Variants in CENPQ observed in about 807,000 individuals in gnomAD.
CENPQ encodes chromosome 6 open reading frame 139.
In CENPQ, 27 loss-of-function variants were observed where a neutral mutation model predicts 36.6. The ratio of observed to expected loss-of-function variants is 0.74; its 90% confidence interval spans 0.54 to 1.02. CENPQ has a LOEUF of 1.02. Ranked by LOEUF, CENPQ falls within the 50% of genes least tolerant of loss-of-function variation. CENPQ has a pLI of 0.00. For synonymous variants in CENPQ, 101 were observed against 101.7 expected (o/e 0.99, Z 0.04); for missense variants, 306 against 301.8 (o/e 1.01, Z -0.10).
intron 5 of CENPQ, among the ~76,000 whole-genome samples, chr6:49,477,606 A>T (rs1051612794): frequency 2.0e-5 from 3 of 152,032 alleles, no homozygotes; most frequent in Non-Finnish European, 2.9e-5. Flanking sequence ...CTCAGTTTCA[A>T]GTTTGCCTAG....
intron 8 of CENPQ, among the ~76,000 whole-genome samples, chr6:49,491,649 C>G (rs970276437): frequency 1.3e-5 from 2 of 152,172 alleles, no homozygotes; most frequent in African/African-American, 4.8e-5. Flanking sequence ...GGCACAGTGG[C>G]TCACACCTGT....
intron 6 of CENPQ, among the ~76,000 whole-genome samples, chr6:49,483,512 C>G (rs1768502760): frequency 6.6e-6 from 1 of 152,234 alleles, no homozygotes; most frequent in South Asian, 2.1e-4. Context: ...CAGGAACCCT[C>G]TGAGGGGGGA....
intron 6 of CENPQ, among the ~76,000 whole-genome samples, chr6:49,484,540 A>T (rs908133538): frequency 3.5e-4 from 53 of 152,234 alleles, no homozygotes; most frequent in African/African-American, 1.2e-3. Context: ...AGTAGTTTGT[A>T]GATGTGGTGC....
chr6:49,472,366 C>A (rs1768162403), intron 4 of CENPQ, among the ~76,000 whole-genome samples, 183 bp downstream of exon 4: 1 of 152,018 alleles, frequency 6.6e-6, no homozygotes, highest in Non-Finnish European at 1.5e-5. Flanking sequence ...ATTTTAGAAA[C>A]CTGAAATTCC....
chr6:49,463,810 C>A (rs1767927526), intron 1 of CENPQ, among the ~76,000 whole-genome samples: 1 of 152,068 alleles, frequency 6.6e-6, no homozygotes, highest in African/African-American at 2.4e-5. Context: ...ACATAGAGGT[C>A]TAAATTGAGG....
At chr6:49,484,379 A>T (rs948950331) in intron 6 of CENPQ, among the ~76,000 whole-genome samples, 8 of 152,234 alleles carry the variant, frequency 5.3e-5, no homozygotes, top group African/African-American at 1.9e-4. Context: ...CATCCTGTGG[A>T]AGATAATAGG....
chr6:49,482,591 A>G (rs1768463410), intron 6 of CENPQ, among the ~76,000 whole-genome samples: 1 of 152,116 alleles, frequency 6.6e-6, no homozygotes, highest in Non-Finnish European at 1.5e-5. Context: ...TTGGGATTCT[A>G]TTTGTAAGAC....
intron 6 of CENPQ, 138 bp from the exon 7 acceptor site, chr6:49,488,210 AAAGT>A (rs934040160): frequency 6.8e-5 from 40 of 592,234 alleles, no homozygotes; most frequent in Non-Finnish European, 9.6e-5. Flanking sequence ...GAAAGAAACA[AAAGT>A]AAATTCACCA....
chr6:49,491,808 G>A (rs1163008615), intron 8 of CENPQ, among the ~76,000 whole-genome samples: 3 of 152,098 alleles, frequency 2.0e-5, no homozygotes, highest in South Asian at 2.1e-4. Context: ...CCAGCTATTC[G>A]GGAGGCTGAG....
chr6:49,472,684 TG>T, intron 4 of CENPQ, 105 bp from the exon 5 acceptor site: 2 of 832,364 alleles, frequency 2.4e-6, no homozygotes, highest in Non-Finnish European at 3.3e-6. Flanking sequence ...TGATTTTGCC[TG>T]GCTAGTGGGG....
chr6:49,472,223 A>C, intron 4 of CENPQ, 40 bp downstream of exon 4: 1 of 1,522,284 alleles, frequency 6.6e-7, no homozygotes, highest in South Asian at 1.3e-5. Context: ...TTTGGTTCCC[A>C]TTTAGGTGTT....
intron 6 of CENPQ, among the ~76,000 whole-genome samples, chr6:49,482,049 C>T (rs928118998): frequency 1.3e-5 from 2 of 152,162 alleles, no homozygotes; most frequent in African/African-American, 4.8e-5. Flanking sequence ...GTACACCCCC[C>T]GCAGCCGCTG....
At chr6:49,485,286 A>T (rs560170965) in intron 6 of CENPQ, among the ~76,000 whole-genome samples, 1 of 152,228 alleles carries the variant, frequency 6.6e-6, no homozygotes, top group Non-Finnish European at 1.5e-5. Context: ...TAACATTTTC[A>T]TCGTGCTCTC....
At chr6:49,475,444 A>G (rs2127425055) in intron 5 of CENPQ, among the ~76,000 whole-genome samples, 1 of 152,348 alleles carries the variant, frequency 6.6e-6, no homozygotes, top group South Asian at 2.1e-4. Context: ...AGAGCTTTTT[A>G]TGACAAATCC....
At chr6:49,484,408 T>C (rs1032151447) in intron 6 of CENPQ, among the ~76,000 whole-genome samples, 14 of 152,242 alleles carry the variant, frequency 9.2e-5, no homozygotes, top group African/African-American at 2.2e-4. Flanking sequence ...TTATCTATCA[T>C]GGTTAACTTC....
intron 4 of CENPQ, 107 bp from the exon 5 acceptor site, chr6:49,472,683 C>A (rs1426167045): frequency 1.2e-6 from 1 of 817,610 alleles, no homozygotes; most frequent in Non-Finnish European, 1.7e-6. Flanking sequence ...TTGATTTTGC[C>A]TGGCTAGTGG....
intron 6 of CENPQ, among the ~76,000 whole-genome samples, chr6:49,484,227 C>A (rs889490804): frequency 6.6e-6 from 1 of 152,128 alleles, no homozygotes; most frequent in Non-Finnish European, 1.5e-5. Flanking sequence ...TAGAGTATGA[C>A]CTAAATTATT....
chr6:49,474,740 T>C (rs1448389633), intron 5 of CENPQ, among the ~76,000 whole-genome samples: 1 of 151,818 alleles, frequency 6.6e-6, no homozygotes, highest in Non-Finnish European at 1.5e-5. Flanking sequence ...TTTGAAAAGA[T>C]CAACAAAATT....
intron 6 of CENPQ, among the ~76,000 whole-genome samples, chr6:49,483,058 G>T (rs1289561147): frequency 1.3e-5 from 2 of 152,104 alleles, no homozygotes; most frequent in East Asian, 3.9e-4. Flanking sequence ...TCTCTTGTCT[G>T]GCCCCACCCA....
Sources: allele counts gnomAD v4.1 joint callset (sites outside exome capture counted in the v4.1 genomes callset), GRCh38; gene constraint gnomAD v4.1.1; transcripts MANE v1.5; gene names NCBI Gene and HGNC (gene_info 2026-07-23, HGNC 2026-07-21).